Variants in ATP8A2 observed in about 807,000 individuals in gnomAD.
ATP8A2 encodes the protein ATPase phospholipid transporting 8A2, also known as phospholipid-transporting ATPase IB.
In ATP8A2, 100 loss-of-function variants were observed where a neutral mutation model predicts 165.6. The observed-to-expected ratio is 0.60, with a 90% CI of 0.51 to 0.71. The LOEUF is 0.71. Among genes scored for constraint, ATP8A2 ranks in the 30% least tolerant of loss-of-function variants. The pLI, the probability that ATP8A2 is intolerant of heterozygous loss-of-function variation, is 0.00. For missense variants in ATP8A2, 1,227 were observed against 1,479.5 expected (o/e 0.83, Z 2.80); for synonymous variants, 543 against 548.8 (o/e 0.99, Z 0.15).
At chr13:25,477,155 G>C (rs2036017867) in intron 2 of ATP8A2, among the ~76,000 whole-genome samples, 1 of 152,182 alleles carries the variant, frequency 6.6e-6, no homozygotes, top group Non-Finnish European at 1.5e-5. Flanking sequence ...GTTGACCCCT[G>C]TGTGGGTGGA....
At chr13:25,884,383 C>G (rs1483588963) in intron 33 of ATP8A2, among the ~76,000 whole-genome samples, 1 of 152,160 alleles carries the variant, frequency 6.6e-6, no homozygotes, top group Non-Finnish European at 1.5e-5. Flanking sequence ...CGCCCCACTC[C>G]CAAGTATTCA....
chr13:25,475,650 TC>T (rs982832874), intron 2 of ATP8A2, among the ~76,000 whole-genome samples: 1 of 152,218 alleles, frequency 6.6e-6, no homozygotes, highest in African/African-American at 2.4e-5. Context: ...GTGTAAGTGT[TC>T]CCTTTTCTCT....
At position 25,372,437 on chromosome 13, in the gene ATP8A2, G is replaced by T. The variant is rs931378796; in HGVS notation, c.76+149G>T. On this transcript the variant is annotated intron_variant, in intron 1 of 36. Coordinates refer to ENST00000381655, the MANE Select transcript of ATP8A2 (RefSeq NM_016529.6). The surrounding 1 kb of genome is among the most constrained non-coding windows in gnomAD (Gnocchi z 4.8). Reference sequence around the variant, plus strand: ...TCTGGGCTGCAGGATCCGCCGACGCGGCGCGCTGGCCGCACGGGGGCTGGG... The same window carrying T: ...TCTGGGCTGCAGGATCCGCCGACGCTGCGCGCTGGCCGCACGGGGGCTGGG... The T allele has an allele frequency of 2.6e-5, 14 of 528,336 alleles. No homozygotes were observed. Among genetic ancestry groups the T allele is most frequent in the Admixed American group, 4.6e-5 (1 of 21,694 alleles). 32.7% of individuals were successfully genotyped at this position (528,336 alleles called of 1,614,324 possible). A position where few individuals can be genotyped will look rare whatever the true frequency, so the allele number is the denominator to read the frequency against.
intron 33 of ATP8A2, among the ~76,000 whole-genome samples, chr13:25,960,025 C>T (rs1223645645): frequency 6.6e-6 from 1 of 152,214 alleles, no homozygotes; most frequent in African/African-American, 2.4e-5. Flanking sequence ...TTCCTGTAAA[C>T]TTCACTGCTT....
At chr13:25,753,618 A>G (rs2044201088) in intron 25 of ATP8A2, among the ~76,000 whole-genome samples, 1 of 152,164 alleles carries the variant, frequency 6.6e-6, no homozygotes, top group African/African-American at 2.4e-5. Flanking sequence ...ACAGAGGGAA[A>G]ATTATCCTCA....
At chr13:25,377,292 C>T (rs2032665113) in intron 1 of ATP8A2, among the ~76,000 whole-genome samples, 1 of 152,198 alleles carries the variant, frequency 6.6e-6, no homozygotes. Flanking sequence ...GGGAAAAGTG[C>T]TCAGCACAAA....
chr13:25,632,078 A>T (rs1376025849), intron 24 of ATP8A2, among the ~76,000 whole-genome samples: 1 of 152,144 alleles, frequency 6.6e-6, no homozygotes, highest in Non-Finnish European at 1.5e-5. Flanking sequence ...ACTCAGGGAA[A>T]CACTTTACTT....
chr13:25,959,536 G>C (rs773621248), intron 33 of ATP8A2, among the ~76,000 whole-genome samples: 1 of 152,182 alleles, frequency 6.6e-6, no homozygotes, highest in Non-Finnish European at 1.5e-5. Flanking sequence ...AGATGTGTAC[G>C]TGTGGGTGTA....
At chr13:25,925,996 G>C (rs1002307798) in intron 33 of ATP8A2, among the ~76,000 whole-genome samples, 4 of 152,062 alleles carry the variant, frequency 2.6e-5, no homozygotes, top group Non-Finnish European at 5.9e-5. Flanking sequence ...AAAGTGCCAG[G>C]ATTACAGGCA....
At chr13:25,445,133 T>C (rs906163896) in intron 1 of ATP8A2, among the ~76,000 whole-genome samples, 4 of 152,252 alleles carry the variant, frequency 2.6e-5, no homozygotes, top group Non-Finnish European at 5.9e-5. Context: ...TACTAATACC[T>C]TTCAATAAGC....
At chr13:26,007,440 T>A (rs1373608014) in intron 35 of ATP8A2, among the ~76,000 whole-genome samples, 1 of 152,212 alleles carries the variant, frequency 6.6e-6, no homozygotes, top group East Asian at 1.9e-4. Context: ...TTTGCTGTTT[T>A]AAAAGTTTCA....
intron 27 of ATP8A2, among the ~76,000 whole-genome samples, chr13:25,810,022 C>T (rs991380020): frequency 2.0e-5 from 3 of 152,162 alleles, no homozygotes; most frequent in Non-Finnish European, 2.9e-5. Context: ...CATCTAAATA[C>T]AGTCAAGGAG....
intron 25 of ATP8A2, among the ~76,000 whole-genome samples, chr13:25,723,883 A>G (rs2043437041): frequency 6.6e-6 from 1 of 152,110 alleles, no homozygotes; most frequent in African/African-American, 2.4e-5. Flanking sequence ...ATCTGGGTGG[A>G]GAGAACAGAG....
At chr13:25,543,424 T>C (rs763214550) in intron 10 of ATP8A2, 22 bp downstream of exon 10, 2 of 1,464,518 alleles carry the variant, frequency 1.4e-6, no homozygotes, top group Admixed American at 3.5e-5. Context: ...CTATGCTGAT[T>C]TCAGTCTTTT....
intron 6 of ATP8A2, among the ~76,000 whole-genome samples, chr13:25,536,003 T>C (rs2038268925): frequency 6.6e-6 from 1 of 152,142 alleles, no homozygotes; most frequent in Non-Finnish European, 1.5e-5. Context: ...ATCCACTGCC[T>C]TTTTTCATTT....
chr13:25,856,679 C>G (rs568349500), intron 30 of ATP8A2, among the ~76,000 whole-genome samples: 28 of 152,264 alleles, frequency 1.8e-4, no homozygotes, highest in Non-Finnish European at 3.2e-4. Context: ...CAACCATCAC[C>G]ACTATGTTTT....
chr13:25,819,243 T>G (rs1041013660), intron 27 of ATP8A2, among the ~76,000 whole-genome samples: 3 of 152,198 alleles, frequency 2.0e-5, no homozygotes, highest in Admixed American at 2.0e-4. Flanking sequence ...ATGTGATGTT[T>G]GCTGCTGGCA....
intron 24 of ATP8A2, among the ~76,000 whole-genome samples, chr13:25,600,774 A>G (rs2040363564): frequency 6.6e-6 from 1 of 152,212 alleles, no homozygotes; most frequent in African/African-American, 2.4e-5. Context: ...TTGGTAAGAA[A>G]GGAGTCTAAG....
rs532923379 is a variant in ATP8A2, at chr13:25,502,998, T to C, written c.222-27001T>C. On this transcript the variant is annotated intron_variant, in intron 2 of 36. Coordinates refer to ENST00000381655, the MANE Select transcript of ATP8A2 (RefSeq NM_016529.6). ...GAAGACTTGACCAAACTTTTGGGCA[T>C]TGAGAGCTGTCCAGCCGAGAGTGCT... Among the ~76,000 whole-genome samples, 7 of 152,292 alleles carry C rather than the reference T, an allele frequency of 4.6e-5. No homozygotes were observed. The East Asian group carries it at 5.8e-4, about 13-fold the overall frequency.
Sources: allele counts gnomAD v4.1 joint callset (sites outside exome capture counted in the v4.1 genomes callset), GRCh38; gene constraint gnomAD v4.1.1; non-coding constraint Gnocchi (gnomAD v3.1); transcripts MANE v1.5; gene names NCBI Gene and HGNC (gene_info 2026-07-23, HGNC 2026-07-21).